ADGRL3: variants seen among roughly 807,000 people sequenced by gnomAD.
ADGRL3 encodes the protein calcium-independent alpha-latrotoxin receptor 3.
ADGRL3 carries 62 observed loss-of-function variants against 153.5 expected under a neutral mutation model. The observed-to-expected ratio is 0.40, with a 90% confidence interval of 0.33 to 0.50. The LOEUF (loss-of-function observed/expected upper bound fraction) is 0.50. ADGRL3 is among the 20% of genes least tolerant of loss of function. The pLI, the probability that ADGRL3 is intolerant of heterozygous loss-of-function variation, is 0.47. For missense variants in ADGRL3, 1,641 were observed against 1,859.4 expected (o/e 0.88, Z 2.16); for synonymous variants, 710 against 672.5 (o/e 1.06, Z -0.86).
chr4:61,334,110 T>A (rs929367759), intron 1 of ADGRL3, among the ~76,000 whole-genome samples: 1 of 147,794 alleles, frequency 6.8e-6, no homozygotes, highest in African/African-American at 2.5e-5. Flanking sequence ...AGAGACAGGG[T>A]TTTGCCATGT....
rs902521879 is a variant in ADGRL3, at chr4:61,335,179, G to A, written c.-239-47945G>A. ...TTTCTGTTTTTTGTTTGAAGAAAAG[G>A]CATTTAAACAAGCCTCATCTTTAAG... On this transcript the variant is annotated intron_variant, in intron 1 of 26. Coordinates refer to ENST00000683033, the MANE Select transcript of ADGRL3 (RefSeq NM_001387552.1). Among the ~76,000 whole-genome samples the A allele has an allele frequency of 3.9e-5, 6 of 152,174 alleles. No individual in the cohort carries two copies. The South Asian group carries it at 1.2e-3, about 32-fold the overall frequency.
At chr4:61,438,467 T>C (rs966716291) in intron 2 of ADGRL3, among the ~76,000 whole-genome samples, 8 of 151,694 alleles carry the variant, frequency 5.3e-5, no homozygotes, top group African/African-American at 1.9e-4. Context: ...AAGTACTTAG[T>C]GATAGTACAC....
chr4:61,409,637 C>T (rs1023150198), intron 2 of ADGRL3, among the ~76,000 whole-genome samples: 8 of 151,304 alleles, frequency 5.3e-5, no homozygotes, highest in African/African-American at 1.7e-4. Context: ...GACAAAGTTA[C>T]TTCATGCATT....
intron 10 of ADGRL3, among the ~76,000 whole-genome samples, chr4:61,895,037 A>G (rs4860441): frequency 0.77 from 116,876 of 152,120 alleles, 45,197 homozygotes; most frequent in East Asian, 0.99. Context: ...CACCTGGAAT[A>G]TCCTTTTCCA....
At chr4:61,892,562 C>G in intron 9 of ADGRL3, 94 bp from the exon 10 acceptor site, 1 of 885,364 alleles carries the variant, frequency 1.1e-6, no homozygotes, top group South Asian at 1.6e-5. Flanking sequence ...GCTCTTTGAA[C>G]TGTCAAATAA....
intron 19 of ADGRL3, among the ~76,000 whole-genome samples, chr4:61,991,789 T>A (rs1282798104): frequency 6.6e-6 from 1 of 151,418 alleles, no homozygotes; most frequent in Admixed American, 6.6e-5. Context: ...ACTTGGCATA[T>A]ATACCTGTCC....
intron 5 of ADGRL3, among the ~76,000 whole-genome samples, chr4:61,666,786 C>A (rs1441895621): frequency 6.6e-6 from 1 of 152,062 alleles, no homozygotes; most frequent in Non-Finnish European, 1.5e-5. Context: ...AGTACATACT[C>A]CAACTCATTT....
chr4:61,647,023 G>T (rs1384513463), intron 5 of ADGRL3, among the ~76,000 whole-genome samples: 1 of 152,128 alleles, frequency 6.6e-6, no homozygotes, highest in Non-Finnish European at 1.5e-5. Flanking sequence ...TCTTCGGGTG[G>T]GAGTCACTCG....
At chr4:61,372,766 G>T (rs373655344) in intron 1 of ADGRL3, among the ~76,000 whole-genome samples, 3,294 of 152,246 alleles carry the variant, frequency 0.022, 53 homozygotes, top group Non-Finnish European at 0.035. Context: ...CCCAGTTCGA[G>T]CTTCCCGGCT....
At chr4:61,875,847 G>A (rs1464172290) in intron 9 of ADGRL3, among the ~76,000 whole-genome samples, 1 of 152,158 alleles carries the variant, frequency 6.6e-6, no homozygotes, top group Admixed American at 6.6e-5. Flanking sequence ...GATTGAAAGT[G>A]TACTTTGCAC....
chr4:61,273,045 A>C (rs549288050), intron 1 of ADGRL3, among the ~76,000 whole-genome samples: 1 of 152,272 alleles, frequency 6.6e-6, no homozygotes, highest in Admixed American at 6.5e-5. Flanking sequence ...GGGGATGATG[A>C]TAAAACCTAG....
intron 5 of ADGRL3, among the ~76,000 whole-genome samples, chr4:61,595,218 T>C (rs563433157): frequency 6.6e-6 from 1 of 152,220 alleles, no homozygotes; most frequent in East Asian, 1.9e-4. Flanking sequence ...TTTTTCCCTC[T>C]GCTTTTCTTA....
intron 1 of ADGRL3, among the ~76,000 whole-genome samples, chr4:61,327,680 G>T (rs918192382): frequency 2.6e-5 from 4 of 152,064 alleles, no homozygotes; most frequent in African/African-American, 9.6e-5. Flanking sequence ...GAGGTGAAAT[G>T]AATGGAGAAA....
chr4:61,372,387 G>T (rs1294225822), intron 1 of ADGRL3, among the ~76,000 whole-genome samples: 1 of 151,794 alleles, frequency 6.6e-6, no homozygotes, highest in Non-Finnish European at 1.5e-5. Context: ...TTTGATGATG[G>T]TGATGTACAG....
At chr4:61,987,144 ATTTTATTTAT>A (rs1441628331) in intron 19 of ADGRL3, among the ~76,000 whole-genome samples, 53 of 130,716 alleles carry the variant, frequency 4.1e-4, no homozygotes, top group African/African-American at 1.1e-3. Flanking sequence ...ATTTTATTTT[ATTTTATTTAT>A]TTTATTTTAT....
intron 1 of ADGRL3, among the ~76,000 whole-genome samples, chr4:61,227,602 TTGAC>T (rs1748567606): frequency 1.4e-5 from 2 of 147,156 alleles, no homozygotes; most frequent in Admixed American, 1.4e-4. Context: ...AATTTTTTCT[TTGAC>T]TGAACTGAGT....
chr4:61,775,663 A>C, intron 8 of ADGRL3: 1 of 1,509,816 alleles, frequency 6.6e-7, no homozygotes, highest in Non-Finnish European at 9.1e-7. Context: ...CACCAACTTG[A>C]CATACATCAC....
intron 1 of ADGRL3, among the ~76,000 whole-genome samples, chr4:61,286,831 C>T (rs1255874486): frequency 6.6e-6 from 1 of 151,670 alleles, no homozygotes; most frequent in Non-Finnish European, 1.5e-5. Flanking sequence ...TGGGAATCAT[C>T]TTTCTTTAAT....
At chr4:61,304,484 G>A (rs190914766) in intron 1 of ADGRL3, among the ~76,000 whole-genome samples, 2 of 152,290 alleles carry the variant, frequency 1.3e-5, no homozygotes, top group Admixed American at 1.3e-4. Flanking sequence ...TAGTCTTTAT[G>A]CCTGAGGTTT....
Sources: gnomAD v4.1 joint callset for allele counts (sites outside exome capture counted in the v4.1 genomes callset) on GRCh38, gnomAD v4.1.1 for gene constraint, MANE v1.5 for transcripts, NCBI Gene and HGNC (gene_info 2026-07-23, HGNC 2026-07-21) for gene names.